Variants in CNTN1 observed in about 807,000 individuals in gnomAD.
CNTN1 encodes contactin 1, also known as contactin-1.
In CNTN1, 38 loss-of-function variants were observed where a neutral mutation model predicts 126.4. The observed-to-expected ratio is 0.30, with a 90% CI of 0.23 to 0.39. CNTN1 has a LOEUF of 0.39. CNTN1 is among the 10% of genes least tolerant of loss of function. The pLI, the probability that CNTN1 is intolerant of heterozygous loss-of-function variation, is 1.00. For missense variants in CNTN1, 1,009 were observed against 1,248.4 expected (o/e 0.81, Z 2.89); for synonymous variants, 413 against 422.6 (o/e 0.98, Z 0.28).
intron 7 of CNTN1, among the ~76,000 whole-genome samples, chr12:40,932,569 C>G (rs975772301): frequency 2.6e-5 from 4 of 152,000 alleles, no homozygotes; most frequent in Middle Eastern, 3.4e-3. Flanking sequence ...GGTTCAAGCT[C>G]ATATACTTCA....
intron 1 of CNTN1, among the ~76,000 whole-genome samples, chr12:40,778,129 T>G (rs1032551658): frequency 6.6e-6 from 1 of 151,860 alleles, no homozygotes; most frequent in Non-Finnish European, 1.5e-5. Context: ...TAACTCAGGA[T>G]GTAGCCTGGA....
chr12:41,031,552 T>G (rs1331909024), intron 23 of CNTN1, among the ~76,000 whole-genome samples: 2 of 152,208 alleles, frequency 1.3e-5, no homozygotes, highest in African/African-American at 4.8e-5. Context: ...TTCCTAAAAA[T>G]TTAACAATTG....
Position 40,867,686 on chromosome 12 carries a change from G to T in CNTN1, c.-76-40671G>T, listed in dbSNP as rs567865948. On this transcript the variant is annotated intron_variant, in intron 1 of 23. Transcript: ENST00000551295. ...TCCTTTAGGACAGATAATTTTTGAA[G>T]TTTTTCTGCTCTGACAGTGAGGGAA... Among the ~76,000 whole-genome samples, 17 of 152,136 alleles carry T rather than the reference G, an allele frequency of 1.1e-4. No individual in the cohort carries two copies. The South Asian group carries it at 1.7e-3, about 15-fold the overall frequency.
intron 1 of CNTN1, among the ~76,000 whole-genome samples, chr12:40,716,641 A>C (rs971054144): frequency 6.6e-6 from 1 of 152,194 alleles, no homozygotes; most frequent in Non-Finnish European, 1.5e-5. Context: ...TTCAATGAAA[A>C]GGGCATTGGA....
chr12:40,760,855 A>ACACACACACACT (rs1294647648), intron 1 of CNTN1, among the ~76,000 whole-genome samples: 2 of 151,272 alleles, frequency 1.3e-5, no homozygotes, highest in African/African-American at 4.9e-5. Flanking sequence ...ACACACACAC[A>ACACACACACACT]CTTCCACTTT....
chr12:40,985,855 G>T (rs55927654), intron 16 of CNTN1, among the ~76,000 whole-genome samples: 11,700 of 152,084 alleles, frequency 0.077, 674 homozygotes, highest in Admixed American at 0.18. Flanking sequence ...GACAGTGTGT[G>T]TGTGTCTGTG....
chr12:40,917,733 A>G (rs1477049667), intron 3 of CNTN1, among the ~76,000 whole-genome samples: 5 of 152,132 alleles, frequency 3.3e-5, no homozygotes, highest in Non-Finnish European at 1.5e-5. Flanking sequence ...TGCTCTCTAA[A>G]TGCTGCCGCA....
intron 17 of CNTN1, among the ~76,000 whole-genome samples, chr12:41,008,930 T>C (rs1948576290): frequency 6.6e-6 from 1 of 152,262 alleles, no homozygotes; most frequent in Non-Finnish European, 1.5e-5. Context: ...ACCTTTACCT[T>C]GCTTAACTCA....
rs7959925 is a variant in CNTN1, at chr12:41,060,763, C to A, written c.2981-9196C>A. 3.2e-3 allele frequency among the ~76,000 whole-genome samples: 482 copies of A among 152,160 alleles called. 2 individuals carry two copies. The highest frequency in any genetic ancestry group is 0.011 in the African/African-American group (467 of 41,514). On this transcript the variant is annotated intron_variant, in intron 23 of 23. Transcript: ENST00000551295. The stretch of plus-strand genomic sequence containing the variant: ...GTATACGTTGGGAATAAAACAAACC[C>A]ATGAAACCCATTATACATAATTCTA...
intron 14 of CNTN1, among the ~76,000 whole-genome samples, chr12:40,947,780 T>C (rs200341813): frequency 1.3e-3 from 89 of 67,586 alleles, no homozygotes; most frequent in East Asian, 5.1e-3. Context: ...TATATATATA[T>C]ATACACACAC....
chr12:40,708,312 A>G (rs1023985450), intron 1 of CNTN1, among the ~76,000 whole-genome samples: 4 of 152,242 alleles, frequency 2.6e-5, no homozygotes, highest in Non-Finnish European at 5.9e-5. Flanking sequence ...TGATATTTCA[A>G]TGCTTATAAA....
chr12:40,772,542 G>A (rs913065499), intron 1 of CNTN1, among the ~76,000 whole-genome samples: 5 of 151,896 alleles, frequency 3.3e-5, no homozygotes, highest in Non-Finnish European at 7.4e-5. Flanking sequence ...ACCTATACCT[G>A]TACAATTTTT....
intron 15 of CNTN1, chr12:40,978,801 A>C (rs1025586090): frequency 3.3e-5 from 5 of 152,204 alleles, no homozygotes; most frequent in East Asian, 1.9e-4. Flanking sequence ...TTTAATGGTT[A>C]ATGACTAACC....
intron 1 of CNTN1, among the ~76,000 whole-genome samples, chr12:40,711,107 T>C (rs1221107190): frequency 6.6e-6 from 1 of 152,156 alleles, no homozygotes; most frequent in Non-Finnish European, 1.5e-5. Flanking sequence ...GAATCTCTTC[T>C]CTTTCATATT....
intron 17 of CNTN1, among the ~76,000 whole-genome samples, chr12:41,005,952 T>C (rs1192221344): frequency 6.6e-6 from 1 of 152,212 alleles, no homozygotes; most frequent in East Asian, 1.9e-4. Flanking sequence ...GTTCAGAACC[T>C]TTGCTGGAGA....
intron 1 of CNTN1, among the ~76,000 whole-genome samples, chr12:40,800,536 A>G (rs1018884931): frequency 6.6e-6 from 1 of 152,024 alleles, no homozygotes; most frequent in African/African-American, 2.4e-5. Flanking sequence ...AAATTATTAA[A>G]TTAAAAAATC....
At chr12:40,825,031 A>G (rs1941565880) in intron 1 of CNTN1, among the ~76,000 whole-genome samples, 1 of 152,132 alleles carries the variant, frequency 6.6e-6, no homozygotes, top group Non-Finnish European at 1.5e-5. Flanking sequence ...TCCTTATGCA[A>G]GTGTGAACAC....
intron 9 of CNTN1, 134 bp from the exon 10 acceptor site, chr12:40,936,647 A>C: frequency 2.8e-6 from 3 of 1,062,028 alleles, no homozygotes; most frequent in Non-Finnish European, 4.2e-6. Flanking sequence ...AAGGCCTATT[A>C]CTGAGTTCAG....
At chr12:40,864,174 G>A (rs1243039226) in intron 1 of CNTN1, among the ~76,000 whole-genome samples, 3 of 151,106 alleles carry the variant, frequency 2.0e-5, no homozygotes, top group Non-Finnish European at 4.4e-5. Context: ...CCGCCACCAC[G>A]CCCAGCTAAT....
Sources: gnomAD v4.1 joint callset for allele counts (sites outside exome capture counted in the v4.1 genomes callset) on GRCh38, gnomAD v4.1.1 for gene constraint, MANE v1.5 for transcripts, NCBI Gene and HGNC (gene_info 2026-07-23, HGNC 2026-07-21) for gene names.